The following DGKB variants were observed in gnomAD, a reference collection of about 807,000 sequenced individuals.
The protein encoded by DGKB is 90 kDa diacylglycerol kinase.
Under a neutral mutation model 114.3 loss-of-function variants are expected in DGKB, and 67 were observed. That is an observed-to-expected ratio of 0.59 (90% CI 0.48 to 0.72). DGKB has a LOEUF of 0.72. DGKB is among the 30% of genes least tolerant of loss of function. DGKB has a pLI of 0.00. For synonymous variants in DGKB, 398 were observed against 323.1 expected (o/e 1.23, Z -2.49); for missense variants, 907 against 975.2 (o/e 0.93, Z 0.93).
chr7:14,171,688 G>A (rs1055871899), intron 25 of DGKB, among the ~76,000 whole-genome samples: 25 of 152,142 alleles, frequency 1.6e-4, no homozygotes, highest in African/African-American at 6.0e-4. Context: ...ACTTTTACAT[G>A]TATTTATATA....
rs188100370 is a variant in DGKB at position 14,321,281 on chromosome 7, A to G, written c.2122+17234T>C. Among the ~76,000 whole-genome samples, 12 of 152,260 alleles carry G rather than the reference A, an allele frequency of 7.9e-5. No individual in the cohort carries two copies. In the East Asian group the frequency reaches 2.3e-3, roughly 29 times the overall value. On this transcript the variant is annotated intron_variant, in intron 23 of 25. Coordinates refer to ENST00000402815, the MANE Select transcript of DGKB (RefSeq NM_001350709.2). ...ACTTCAGCCTGGGCAACAGAGTGAT[A>G]CCCTGTCTCAGAAAAAAAATTAAGC...
Position 14,597,189 on chromosome 7 carries a change from C to T in DGKB, c.1433+10245G>A, listed in dbSNP as rs774386378. Among the ~76,000 whole-genome samples, 40 of 152,132 alleles carry T rather than the reference C, an allele frequency of 2.6e-4. No individual in the cohort carries two copies. The Middle Eastern group carries it at 0.02, about 78-fold the overall frequency. ...TGCCACTGCATTCCAGCCTGGGCGA[C>T]AGAGCAAGACTCCGTCTCAAAAAAA... On this transcript the variant is annotated intron_variant, in intron 17 of 25. Coordinates refer to ENST00000402815, the MANE Select transcript of DGKB (RefSeq NM_001350709.2).
chr7:14,599,207 A>G (rs1288240884), intron 17 of DGKB, among the ~76,000 whole-genome samples: 1 of 152,186 alleles, frequency 6.6e-6, no homozygotes, highest in Non-Finnish European at 1.5e-5. Context: ...TATTAATAGC[A>G]ATACTTAAAA....
chr7:14,934,094 C>T (rs1463235665), intron 1 of DGKB, among the ~76,000 whole-genome samples: 1 of 152,102 alleles, frequency 6.6e-6, no homozygotes, highest in Non-Finnish European at 1.5e-5. Flanking sequence ...TCAATTCCCT[C>T]AGGAAAAACT....
intron 4 of DGKB, among the ~76,000 whole-genome samples, chr7:14,741,871 AG>A (rs781685760): frequency 2.6e-5 from 4 of 152,206 alleles, no homozygotes; most frequent in Non-Finnish European, 5.9e-5. Context: ...ATTTTCTTAA[AG>A]AACGCTCAAG....
At chr7:14,358,090 G>A (rs2128622839) in intron 21 of DGKB, among the ~76,000 whole-genome samples, 1 of 152,140 alleles carries the variant, frequency 6.6e-6, no homozygotes, top group East Asian at 1.9e-4. Flanking sequence ...TCTTCTCAAG[G>A]AGTATCTTTG....
chr7:14,343,345 C>G (rs979005051), intron 22 of DGKB, among the ~76,000 whole-genome samples: 1 of 151,820 alleles, frequency 6.6e-6, no homozygotes, highest in Non-Finnish European at 1.5e-5. Flanking sequence ...CTCCAAGAAA[C>G]ATAACTTAGT....
chr7:14,420,117 T>C (rs1329318517), intron 21 of DGKB, among the ~76,000 whole-genome samples: 1 of 151,976 alleles, frequency 6.6e-6, no homozygotes, highest in Non-Finnish European at 1.5e-5. Flanking sequence ...GCCCTGGGCA[T>C]AGAAAACTGG....
intron 21 of DGKB, among the ~76,000 whole-genome samples, chr7:14,436,497 G>T (rs1207408219): frequency 6.6e-6 from 1 of 151,830 alleles, no homozygotes; most frequent in Non-Finnish European, 1.5e-5. Context: ...TGACCCCCTG[G>T]ACATTTATTT....
rs1392100304 is a variant in DGKB at position 14,145,344 on chromosome 7, ATAT to A, written c.*3784_*3786del. 2 of 152,306 alleles carry A rather than the reference ATAT, an allele frequency of 1.3e-5. No homozygotes were observed. Among genetic ancestry groups the A allele is most frequent in the African/African-American group, 2.4e-5 (1 of 41,578 alleles). 9.4% of individuals were successfully genotyped at this position (152,306 alleles called of 1,614,324 possible). A position where few individuals can be genotyped will look rare whatever the true frequency, so the allele number is the denominator to read the frequency against. ...ACAAGGGTTTAATCTTTTAATAGAG[ATAT>A]TATTCAGTTATTTGAAAAATAACGG... On this transcript the variant is annotated 3_prime_UTR_variant, in exon 26 of 26. Coordinates refer to ENST00000402815, the MANE Select transcript of DGKB (RefSeq NM_001350709.2).
At chr7:14,547,107 T>C (rs1261049607) in intron 20 of DGKB, among the ~76,000 whole-genome samples, 2 of 152,214 alleles carry the variant, frequency 1.3e-5, no homozygotes, top group East Asian at 3.8e-4. Context: ...TTGATATGTG[T>C]TTTAAAGGTC....
At chr7:14,889,419 C>T (rs1252080326) in intron 1 of DGKB, among the ~76,000 whole-genome samples, 1 of 151,562 alleles carries the variant, frequency 6.6e-6, no homozygotes, top group African/African-American at 2.4e-5. Flanking sequence ...TTCAGATAAA[C>T]ACCTCTGCAT....
intron 20 of DGKB, among the ~76,000 whole-genome samples, chr7:14,523,872 T>C (rs1001047470): frequency 2.6e-5 from 4 of 152,190 alleles, no homozygotes; most frequent in Non-Finnish European, 4.4e-5. Context: ...TTACTCTCTC[T>C]TTGCTAAACC....
chr7:14,271,588 A>G (rs1033688734), intron 23 of DGKB, among the ~76,000 whole-genome samples: 3 of 152,228 alleles, frequency 2.0e-5, no homozygotes, highest in African/African-American at 4.8e-5. Context: ...CAGGCAGACA[A>G]TGGAGCCTTT....
intron 2 of DGKB, among the ~76,000 whole-genome samples, chr7:14,828,793 A>G (rs11978840): frequency 0.19 from 28,928 of 152,030 alleles, 2,882 homozygotes; most frequent in African/African-American, 0.25. Context: ...TATTTAGTCC[A>G]TTTCTGGGCA....
intron 2 of DGKB, among the ~76,000 whole-genome samples, chr7:14,764,725 GT>G (rs1337389687): frequency 2.0e-5 from 3 of 151,366 alleles, no homozygotes; most frequent in Non-Finnish European, 4.4e-5. Context: ...TATATATTTT[GT>G]CTGATTGCTA....
At chr7:14,203,385 C>A (rs892921947) in intron 23 of DGKB, among the ~76,000 whole-genome samples, 1 of 151,906 alleles carries the variant, frequency 6.6e-6, no homozygotes, top group South Asian at 2.1e-4. Context: ...TCTTCTGATT[C>A]TTATACTCTT....
At chr7:14,216,725 CAAAAAAAAAAAAAAAAA>C (rs755191130) in intron 23 of DGKB, among the ~76,000 whole-genome samples, 1 of 50,352 alleles carries the variant, frequency 2.0e-5, no homozygotes, top group African/African-American at 7.1e-5. Flanking sequence ...GACTCCGTCT[CAAAAAAAAAAAAAAAAA>C]AAAAAAGAAC....
At chr7:14,326,672 T>C (rs1225366669) in intron 23 of DGKB, among the ~76,000 whole-genome samples, 1 of 152,194 alleles carries the variant, frequency 6.6e-6, no homozygotes, top group African/African-American at 2.4e-5. Flanking sequence ...AATGGCATAA[T>C]GATTTGTTTC....
Sources: allele counts gnomAD v4.1 joint callset (sites outside exome capture counted in the v4.1 genomes callset), GRCh38; gene constraint gnomAD v4.1.1; transcripts MANE v1.5; gene names NCBI Gene and HGNC (gene_info 2026-07-23, HGNC 2026-07-21).